PTPRT: variants seen among roughly 807,000 people sequenced by gnomAD.
The protein encoded by PTPRT is protein tyrosine phosphatase receptor type T.
In PTPRT, 56 loss-of-function variants were observed where a neutral mutation model predicts 176.8. The observed-to-expected ratio is 0.32, with a 90% CI of 0.26 to 0.40. The LOEUF (loss-of-function observed/expected upper bound fraction) is 0.40. Among genes scored for constraint, PTPRT ranks in the 10% least tolerant of loss-of-function variants. The pLI is 1.00. For synonymous variants in PTPRT, 783 were observed against 739.0 expected (o/e 1.06, Z -0.96); for missense variants, 1,540 against 1,908.2 (o/e 0.81, Z 3.60).
intron 7 of PTPRT, among the ~76,000 whole-genome samples, chr20:42,485,510 A>G (rs1452296338): frequency 6.6e-6 from 1 of 152,244 alleles, no homozygotes; most frequent in East Asian, 1.9e-4. Flanking sequence ...CCATGTGTAA[A>G]TCAAATTGTT....
chr20:42,942,652 G>C (rs1455029727), intron 1 of PTPRT, among the ~76,000 whole-genome samples: 1 of 152,156 alleles, frequency 6.6e-6, no homozygotes, highest in African/African-American at 2.4e-5. Flanking sequence ...GCGTATGATT[G>C]CTGGCTCTGG....
At chr20:42,411,173 G>A (rs1415662224) in intron 9 of PTPRT, among the ~76,000 whole-genome samples, 1 of 152,130 alleles carries the variant, frequency 6.6e-6, no homozygotes, top group Non-Finnish European at 1.5e-5. Context: ...CGCCAGGCAT[G>A]GAGGCTCATG....
At chr20:42,451,519 T>A (rs148920180) in intron 8 of PTPRT, among the ~76,000 whole-genome samples, 1 of 151,418 alleles carries the variant, frequency 6.6e-6, no homozygotes, top group South Asian at 2.1e-4. Context: ...GAAAAAAAAA[T>A]AGGTCTAAGA....
chr20:42,534,823 C>T (rs1345016708), intron 7 of PTPRT, among the ~76,000 whole-genome samples: 1 of 152,062 alleles, frequency 6.6e-6, no homozygotes, highest in African/African-American at 2.4e-5. Flanking sequence ...ATTGCTCCCT[C>T]TGTAAAATGG....
At chr20:42,505,199 G>A (rs924197428) in intron 7 of PTPRT, among the ~76,000 whole-genome samples, 10 of 151,998 alleles carry the variant, frequency 6.6e-5, no homozygotes, top group African/African-American at 1.4e-4. Context: ...TAGCATTCAC[G>A]ACTTCATTCT....
Position 42,721,076 on chromosome 20 carries a change from C to G in PTPRT, c.859+35386G>C, listed in dbSNP as rs146033744. ...GTGTTAGCTCTACACAGACAGCACTCCTCCAAGGAGGTCAGACCACGGTTC... is the reference window on the plus strand; with the variant it reads ...GTGTTAGCTCTACACAGACAGCACTGCTCCAAGGAGGTCAGACCACGGTTC... On this transcript the variant is annotated intron_variant, in intron 6 of 30. Transcript: ENST00000373187. 2.0e-5 allele frequency among the ~76,000 whole-genome samples: 3 copies of G among 152,246 alleles called. No individual in the cohort carries two copies. The East Asian group carries it at 5.8e-4, about 29-fold the overall frequency.
At chr20:42,421,002 C>T (rs1439281632) in intron 9 of PTPRT, among the ~76,000 whole-genome samples, 3 of 152,120 alleles carry the variant, frequency 2.0e-5, no homozygotes, top group Non-Finnish European at 4.4e-5. Flanking sequence ...CCAACCTTGC[C>T]CTAAGTCATG....
intron 6 of PTPRT, among the ~76,000 whole-genome samples, chr20:42,710,620 A>T (rs1186350552): frequency 6.6e-6 from 1 of 152,252 alleles, no homozygotes; most frequent in Non-Finnish European, 1.5e-5. Flanking sequence ...GGCCTGCCAC[A>T]AGGGCAGAGC....
At chr20:42,751,182 G>A (rs1030899290) in intron 6 of PTPRT, among the ~76,000 whole-genome samples, 5 of 152,118 alleles carry the variant, frequency 3.3e-5, no homozygotes, top group African/African-American at 1.2e-4. Context: ...CTCTCAGCCT[G>A]AGTACCTGCT....
At chr20:42,542,016 T>C (rs2072592293) in intron 7 of PTPRT, among the ~76,000 whole-genome samples, 1 of 152,044 alleles carries the variant, frequency 6.6e-6, no homozygotes, top group African/African-American at 2.4e-5. Context: ...TCCCATGCTG[T>C]TCTCGTAATT....
chr20:42,736,025 T>G (rs2076534609), intron 6 of PTPRT, among the ~76,000 whole-genome samples: 1 of 152,150 alleles, frequency 6.6e-6, no homozygotes, highest in African/African-American at 2.4e-5. Context: ...AAGAACTATT[T>G]GATTTCATGG....
chr20:42,693,843 T>G (rs980372940), intron 6 of PTPRT, among the ~76,000 whole-genome samples: 16 of 152,146 alleles, frequency 1.1e-4, no homozygotes, highest in African/African-American at 3.9e-4. Flanking sequence ...TTTCTCACGC[T>G]ACTCCTTTAG....
intron 2 of PTPRT, among the ~76,000 whole-genome samples, chr20:42,811,943 C>A (rs927541686): frequency 6.6e-6 from 1 of 152,124 alleles, no homozygotes; most frequent in Non-Finnish European, 1.5e-5. Flanking sequence ...TCTTGACAAC[C>A]ATGACTTGTG....
intron 2 of PTPRT, among the ~76,000 whole-genome samples, chr20:42,826,199 T>C (rs2077989952): frequency 6.6e-6 from 1 of 151,932 alleles, no homozygotes; most frequent in African/African-American, 2.4e-5. Flanking sequence ...GAAGACAGCA[T>C]CCCCCAATTA....
At position 42,290,113 on chromosome 20, in the gene PTPRT, G is replaced by GTCT. The variant is rs559991839; in HGVS notation, c.2140-7591_2140-7589dup. Among the ~76,000 whole-genome samples the GTCT allele has an allele frequency of 1.2e-3, 189 of 152,008 alleles. 1 individual carries two copies. The highest frequency in any genetic ancestry group is 9.4e-3 in the South Asian group (45 of 4,810). ...AGTGTGCCTATGTCCAAAGTGCCCA[G>GTCT]TCTTTTCAACAAAAAGAAATGAGCA... On this transcript the variant is annotated intron_variant, in intron 12 of 30. Coordinates refer to ENST00000373187, the MANE Select transcript of PTPRT (RefSeq NM_007050.6).
chr20:42,421,067 C>A (rs970350935), intron 9 of PTPRT, among the ~76,000 whole-genome samples: 1 of 152,112 alleles, frequency 6.6e-6, no homozygotes, highest in African/African-American at 2.4e-5. Flanking sequence ...CTTGGTTGAT[C>A]CAGAACTGCT....
intron 1 of PTPRT, among the ~76,000 whole-genome samples, chr20:43,124,807 C>T (rs1326529771): frequency 6.6e-6 from 1 of 152,152 alleles, no homozygotes; most frequent in African/African-American, 2.4e-5. Context: ...AAGCAAATTA[C>T]ACTGGGCTGA....
chr20:42,502,199 T>C (rs1365475470), intron 7 of PTPRT, among the ~76,000 whole-genome samples: 3 of 152,112 alleles, frequency 2.0e-5, no homozygotes, highest in Non-Finnish European at 2.9e-5. Context: ...AGTATTTTAA[T>C]AGGAATCATT....
chr20:43,158,936 T>C (rs2014605739), intron 1 of PTPRT, among the ~76,000 whole-genome samples: 1 of 152,230 alleles, frequency 6.6e-6, no homozygotes, highest in Non-Finnish European at 1.5e-5. Flanking sequence ...ACCTGGGACA[T>C]AGTAACCGCT....
Sources: allele counts gnomAD v4.1 joint callset (sites outside exome capture counted in the v4.1 genomes callset), GRCh38; gene constraint gnomAD v4.1.1; transcripts MANE v1.5; gene names NCBI Gene and HGNC (gene_info 2026-07-23, HGNC 2026-07-21).